DLG1: variants seen among roughly 807,000 people sequenced by gnomAD.
DLG1 encodes disks large homolog 1.
In DLG1, 42 loss-of-function variants were observed where a neutral mutation model predicts 123.4. The observed-to-expected ratio is 0.34, with a 90% CI of 0.27 to 0.44. DLG1 has a LOEUF of 0.44. DLG1 is among the 20% of genes least tolerant of loss of function. The probability of loss-of-function intolerance (pLI) is 1.00; values close to 1 mark genes in which losing one functional copy is unlikely to be tolerated. For synonymous variants in DLG1, 317 were observed against 356.2 expected (o/e 0.89, Z 1.24); for missense variants, 942 against 1,082.6 (o/e 0.87, Z 1.82).
intron 5 of DLG1, among the ~76,000 whole-genome samples, chr3:197,180,239 T>A (rs1027260606): frequency 6.6e-6 from 1 of 152,160 alleles, no homozygotes; most frequent in African/African-American, 2.4e-5. Context: ...TATCACTAAG[T>A]AAATAAAACT....
At chr3:197,252,185 A>G (rs1257899985) in intron 4 of DLG1, among the ~76,000 whole-genome samples, 2 of 152,160 alleles carry the variant, frequency 1.3e-5, no homozygotes, top group Non-Finnish European at 2.9e-5. Context: ...GAAAGGGAGG[A>G]GATTTAAAGA....
chr3:197,143,095 T>G (rs147039499), intron 6 of DLG1, among the ~76,000 whole-genome samples: 1 of 152,244 alleles, frequency 6.6e-6, no homozygotes, highest in East Asian at 1.9e-4. Flanking sequence ...AACACCTTAA[T>G]TTTTTGGAAA....
At chr3:197,054,250 T>C (rs74367407) in intron 23 of DLG1, among the ~76,000 whole-genome samples, 10,234 of 152,300 alleles carry the variant, frequency 0.067, 381 homozygotes, top group Middle Eastern at 0.11. Context: ...TTTGAGTTCA[T>C]TGACTTTCTT....
intron 5 of DLG1, among the ~76,000 whole-genome samples, chr3:197,188,734 TA>T (rs1561344102): frequency 6.6e-6 from 1 of 152,304 alleles, no homozygotes; most frequent in East Asian, 1.9e-4. Flanking sequence ...GCTTTTATTT[TA>T]AAAAAGAGAC....
chr3:197,291,659 G>T (rs975639003), intron 3 of DLG1, among the ~76,000 whole-genome samples: 1 of 152,170 alleles, frequency 6.6e-6, no homozygotes, highest in Non-Finnish European at 1.5e-5. Context: ...AATGGTTGAC[G>T]GTGAGAAGTA....
At chr3:197,297,492 A>G (rs1342872431) in intron 1 of DLG1, 3 of 1,269,044 alleles carry the variant, frequency 2.4e-6, no homozygotes, top group Non-Finnish European at 1.0e-6. Context: ...CTCCCCAAAG[A>G]GCCTAGACCT....
At position 197,293,236 on chromosome 3, in the gene DLG1, A is replaced by G. The variant is rs113290582; in HGVS notation, c.151+3110T>C. On this transcript the variant is annotated intron_variant, in intron 3 of 24. Transcript: ENST00000667157. ...TAAATTTTAAACAAATGTGCAGTTCATGGACTTTTGTTAAGATACAACTTT... is the reference window on the plus strand; with the variant it reads ...TAAATTTTAAACAAATGTGCAGTTCGTGGACTTTTGTTAAGATACAACTTT... 4.2e-3 allele frequency among the ~76,000 whole-genome samples: 645 copies of G among 152,354 alleles called. 3 individuals are homozygous for G. The highest frequency in any genetic ancestry group is 0.015 in the African/African-American group (619 of 41,574).
intron 4 of DLG1, among the ~76,000 whole-genome samples, chr3:197,198,045 C>G (rs1333581432): frequency 2.0e-5 from 3 of 151,906 alleles, no homozygotes; most frequent in African/African-American, 4.8e-5. Context: ...TCTTTGTGAC[C>G]TTAGGATTAG....
intron 1 of DLG1, 178 bp downstream of exon 1, chr3:197,298,358 G>A: frequency 2.5e-6 from 1 of 397,240 alleles, no homozygotes; most frequent in East Asian, 3.6e-5. Context: ...TGAGAACAAA[G>A]GAGTTAACAC....
intron 4 of DLG1, among the ~76,000 whole-genome samples, chr3:197,249,952 C>A (rs1322616967): frequency 6.6e-6 from 1 of 152,174 alleles, no homozygotes; most frequent in African/African-American, 2.4e-5. Context: ...CCACAGCTAA[C>A]ATCATACTGA....
At chr3:197,142,024 A>G (rs1788312181) in intron 7 of DLG1, among the ~76,000 whole-genome samples, 1 of 152,198 alleles carries the variant, frequency 6.6e-6, no homozygotes, top group Non-Finnish European at 1.5e-5. Context: ...ACATATCTTA[A>G]GAAAATTTGC....
intron 11 of DLG1, among the ~76,000 whole-genome samples, chr3:197,127,549 C>T (rs1236156146): frequency 7.6e-6 from 1 of 132,098 alleles, no homozygotes; most frequent in Non-Finnish European, 1.6e-5. Context: ...TAATCAACTG[C>T]AACACAACTG....
chr3:197,223,691 C>T (rs1431001735), intron 4 of DLG1, among the ~76,000 whole-genome samples: 1 of 152,186 alleles, frequency 6.6e-6, no homozygotes, highest in Non-Finnish European at 1.5e-5. Flanking sequence ...TTAGTTTATA[C>T]ACTGGAAAGA....
At chr3:197,197,509 AC>A (rs1352135391) in intron 4 of DLG1, among the ~76,000 whole-genome samples, 1 of 152,226 alleles carries the variant, frequency 6.6e-6, no homozygotes, top group East Asian at 1.9e-4. Flanking sequence ...GCCCTTATTT[AC>A]TAGTTTTCAA....
At chr3:197,050,368 A>G (rs1202536897) in intron 24 of DLG1, among the ~76,000 whole-genome samples, 1 of 151,512 alleles carries the variant, frequency 6.6e-6, no homozygotes, top group Non-Finnish European at 1.5e-5. Flanking sequence ...CTCCATTTCA[A>G]AAAAAAACAA....
At chr3:197,183,562 A>G in intron 5 of DLG1, 1 of 1,546,354 alleles carries the variant, frequency 6.5e-7, no homozygotes, top group Non-Finnish European at 8.7e-7. Flanking sequence ...AATTTCAACA[A>G]GTGGTATGTT....
intron 4 of DLG1, among the ~76,000 whole-genome samples, chr3:197,217,072 T>TTTTC (rs752375827): frequency 4.6e-5 from 7 of 152,200 alleles, no homozygotes; most frequent in Non-Finnish European, 8.8e-5. Flanking sequence ...AAATGTAGCA[T>TTTTC]TTTCATCCAC....
chr3:197,227,431 C>T (rs1019712921), intron 4 of DLG1, among the ~76,000 whole-genome samples: 3 of 151,656 alleles, frequency 2.0e-5, no homozygotes, highest in Admixed American at 6.6e-5. Context: ...ACCGAGATTG[C>T]GCCACTGCAC....
intron 6 of DLG1, among the ~76,000 whole-genome samples, chr3:197,144,008 G>A (rs1789410009): frequency 6.6e-6 from 1 of 152,160 alleles, no homozygotes; most frequent in African/African-American, 2.4e-5. Context: ...CGTGATATGA[G>A]GCTGGGCAAA....
Sources: gnomAD v4.1 joint callset for allele counts (sites outside exome capture counted in the v4.1 genomes callset) on GRCh38, gnomAD v4.1.1 for gene constraint, MANE v1.5 for transcripts, NCBI Gene and HGNC (gene_info 2026-07-23, HGNC 2026-07-21) for gene names.